The following ST3GAL1 variants were observed in gnomAD, a reference collection of about 807,000 sequenced individuals.
ST3GAL1 encodes ST3 beta-galactoside alpha-2,3-sialyltransferase 1.
A neutral mutation model predicts 34.1 loss-of-function variants in ST3GAL1; 16 were observed. The ratio of observed to expected loss-of-function variants is 0.47; its 90% CI spans 0.32 to 0.71. The LOEUF is 0.71. Ranked by LOEUF, ST3GAL1 falls within the 30% of genes least tolerant of loss-of-function variation. The pLI, the probability that ST3GAL1 is intolerant of heterozygous loss-of-function variation, is 0.04. For synonymous variants in ST3GAL1, 191 were observed against 184.7 expected, an observed-to-expected ratio of 1.03 and a Z score of -0.28; for missense variants, 353 against 447.4, an observed-to-expected ratio of 0.79 and a Z score of 1.90.
rs763821328 is a variant in ST3GAL1 at position 133,464,965 on chromosome 8, A to T, written c.504-8T>A. ...GTGGGCGCCTTGTTCATCCTGGGAG[A>T]GAAGGGGAGAAAGCTGAGTCTTGTA... On this transcript the variant is annotated splice_polypyrimidine_tract_variant and splice_region_variant and intron_variant, in intron 6 of 9. Coordinates refer to ENST00000522652, the MANE Select transcript of ST3GAL1 (RefSeq NM_173344.3). The T allele has an allele frequency of 1.2e-6, 2 of 1,610,288 alleles. No homozygotes were observed. Among genetic ancestry groups the T allele is most frequent in the Non-Finnish European group, 1.7e-6 (2 of 1,177,628 alleles).
intron 3 of ST3GAL1, among the ~76,000 whole-genome samples, chr8:133,484,999 G>A (rs1212306030): frequency 6.6e-6 from 1 of 152,234 alleles, no homozygotes; most frequent in Non-Finnish European, 1.5e-5. Flanking sequence ...AGAAGCTAGA[G>A]TGGTATCTGC....
At chr8:133,522,660 G>T (rs541233589) in intron 2 of ST3GAL1, among the ~76,000 whole-genome samples, 2 of 152,182 alleles carry the variant, frequency 1.3e-5, no homozygotes, top group Non-Finnish European at 2.9e-5. Context: ...TGGCCGCAGG[G>T]TCTTGCTAGT....
intron 2 of ST3GAL1, among the ~76,000 whole-genome samples, chr8:133,519,183 A>G (rs1817728182): frequency 6.6e-6 from 1 of 152,118 alleles, no homozygotes; most frequent in Admixed American, 6.6e-5. Flanking sequence ...ACAGAATAAG[A>G]CATCTTTGAC....
At chr8:133,566,887 CCAG>C (rs1819418977) in intron 1 of ST3GAL1, 1 of 152,200 alleles carries the variant, frequency 6.6e-6, no homozygotes, top group South Asian at 2.1e-4. Flanking sequence ...CACAAACAAA[CCAG>C]AGATCAGGAC....
chr8:133,482,413 G>T (rs540707597), intron 3 of ST3GAL1, among the ~76,000 whole-genome samples: 2 of 152,266 alleles, frequency 1.3e-5, no homozygotes, highest in South Asian at 4.1e-4. Flanking sequence ...GCCCAGAGAG[G>T]CCCCAGAGGT....
chr8:133,470,975 C>T lies in ST3GAL1; in HGVS notation c.306+4744G>A, dbSNP rs117302540. On this transcript the variant is annotated intron_variant, in intron 5 of 9. Transcript: ENST00000522652. ...CCCTATCCACAGGCCACACCCGTCC[C>T]GAGAGTGTTGGGAAGAGGTACCCGC... 1.3e-3 allele frequency among the ~76,000 whole-genome samples: 198 copies of T among 152,262 alleles called. 9 individuals are homozygous for T. In the East Asian group the frequency reaches 0.033, roughly 25 times the overall value.
chr8:133,524,236 C>T (rs1034015080), intron 2 of ST3GAL1, among the ~76,000 whole-genome samples: 1 of 152,134 alleles, frequency 6.6e-6, no homozygotes, highest in Non-Finnish European at 1.5e-5. Context: ...CTATTATTAC[C>T]CCAATTTTTC....
At chr8:133,506,343 G>C (rs1488674521) in intron 2 of ST3GAL1, among the ~76,000 whole-genome samples, 1 of 152,240 alleles carries the variant, frequency 6.6e-6, no homozygotes, top group East Asian at 1.9e-4. Flanking sequence ...CGTACAAAGC[G>C]ATCTGCCCAG....
chr8:133,491,829 G>T (rs1354471323), intron 3 of ST3GAL1, among the ~76,000 whole-genome samples: 1 of 152,188 alleles, frequency 6.6e-6, no homozygotes, highest in Non-Finnish European at 1.5e-5. Flanking sequence ...ACGGTGTCCA[G>T]TTGGATCACA....
intron 2 of ST3GAL1, among the ~76,000 whole-genome samples, chr8:133,543,165 T>C (rs1818581257): frequency 6.6e-6 from 1 of 152,154 alleles, no homozygotes; most frequent in African/African-American, 2.4e-5. Context: ...ACACATCAGC[T>C]CTGGGCTAGT....
chr8:133,550,349 C>A (rs558640449), intron 1 of ST3GAL1, among the ~76,000 whole-genome samples: 4 of 152,142 alleles, frequency 2.6e-5, no homozygotes, highest in Admixed American at 6.5e-5. Context: ...TTCATACACA[C>A]GAGCCATACA....
intron 2 of ST3GAL1, among the ~76,000 whole-genome samples, chr8:133,544,630 C>T (rs1818626614): frequency 6.6e-6 from 1 of 152,160 alleles, no homozygotes; most frequent in South Asian, 2.1e-4. Context: ...TAGAGGAGGC[C>T]TCACACGGCC....
intron 2 of ST3GAL1, among the ~76,000 whole-genome samples, chr8:133,533,507 CCT>C (rs1353159040): frequency 3.3e-5 from 5 of 152,210 alleles, no homozygotes; most frequent in Non-Finnish European, 7.3e-5. Context: ...GGAGCGAGTT[CCT>C]CTGTCTGAAC....
In ST3GAL1 at chr8:133,459,682, C is replaced by A. The variant is rs1001873549; in HGVS notation, c.*82G>T. On this transcript the variant is annotated 3_prime_UTR_variant, in exon 10 of 10. Transcript: ENST00000522652. This position sits in a 1 kb window ranked among gnomAD's most constrained non-coding sequence, Gnocchi z 4.7. ...CACCTGAGGCTGCCCCTCCAAGCTC[C>A]GGGATGGAACGGCTCCAGCAAGATG... 1.3e-6 allele frequency: 2 copies of A among 1,508,702 alleles called. No individual in the cohort carries two copies. The highest frequency in any genetic ancestry group is 1.4e-5 in the African/African-American group (1 of 71,620). 93.5% of individuals were successfully genotyped at this position (1,508,702 alleles called of 1,614,324 possible). A position where few individuals can be genotyped will look rare whatever the true frequency, so the allele number is the denominator to read the frequency against.
Position 133,458,680 on chromosome 8 carries a change from G to A in ST3GAL1, c.*1084C>T, listed in dbSNP as rs917646466. On this transcript the variant is annotated 3_prime_UTR_variant, in exon 10 of 10. Transcript: ENST00000522652. Reference sequence around the variant, plus strand: ...CGGAGCAAGCAGGGCCGCTGGTGGGGGTCCCTTTTCCCAAGTAAGGGCTTT... The same window carrying A: ...CGGAGCAAGCAGGGCCGCTGGTGGGAGTCCCTTTTCCCAAGTAAGGGCTTT... The A allele has an allele frequency of 6.6e-6, 1 of 152,172 alleles. No homozygotes were observed. The allele number at this position is 152,172 out of a possible 1,614,324, so 9.4% of individuals were successfully genotyped here.
intron 2 of ST3GAL1, among the ~76,000 whole-genome samples, chr8:133,531,037 T>TATATAGCATAAATA (rs1462981471): frequency 6.6e-6 from 1 of 152,140 alleles, no homozygotes; most frequent in African/African-American, 2.4e-5. Context: ...ACTCCCACAT[T>TATATAGCATAAATA]TATGATTATG....
intron 1 of ST3GAL1, among the ~76,000 whole-genome samples, chr8:133,557,314 T>C (rs78996166): frequency 0.028 from 4,190 of 152,236 alleles, 195 homozygotes; most frequent in African/African-American, 0.096. Context: ...CGTGGCACAA[T>C]GGGGTCCTCA....
At chr8:133,474,011 C>A (rs914491288) in intron 5 of ST3GAL1, among the ~76,000 whole-genome samples, 2 of 152,264 alleles carry the variant, frequency 1.3e-5, no homozygotes, top group Non-Finnish European at 2.9e-5. Flanking sequence ...AGGACCTGCA[C>A]ACAGTGGTGC....
At position 133,541,120 on chromosome 8, in the gene ST3GAL1, T is replaced by TATATAGAGAGAG. The variant is rs71299078; in HGVS notation, c.-429+4653_-429+4654insCTCTCTCTATAT. Among the ~76,000 whole-genome samples, 42 of 48,636 alleles carry TATATAGAGAGAG rather than the reference T, an allele frequency of 8.6e-4. 3 individuals are homozygous for TATATAGAGAGAG. The highest frequency in any genetic ancestry group is 1.7e-3 in the African/African-American group (17 of 10,136). The allele number at this position is 48,636 out of a possible 152,430, so 31.9% of individuals were successfully genotyped here. On this transcript the variant is annotated intron_variant, in intron 2 of 9. Coordinates refer to ENST00000522652, the MANE Select transcript of ST3GAL1 (RefSeq NM_173344.3). ...ACATATATATATATATATATATATA[T>TATATAGAGAGAG]AGAGAGAGAGAGAGAGAGAGAGAGA...
Sources: gnomAD v4.1 joint callset for allele counts (sites outside exome capture counted in the v4.1 genomes callset) on GRCh38, gnomAD v4.1.1 for gene constraint, Gnocchi (gnomAD v3.1) non-coding constraint, MANE v1.5 for transcripts, NCBI Gene and HGNC (gene_info 2026-07-23, HGNC 2026-07-21) for gene names.